CSNK1A1: variants seen among roughly 807,000 people sequenced by gnomAD.
CSNK1A1 encodes casein kinase 1 alpha 1, also known as casein kinase I isoform alpha.
A neutral mutation model predicts 46.1 loss-of-function variants in CSNK1A1; 7 were observed. The observed-to-expected ratio is 0.15, with a 90% CI of 0.09 to 0.29. The LOEUF (loss-of-function observed/expected upper bound fraction) is 0.29. Ranked by LOEUF, CSNK1A1 falls within the 10% of genes least tolerant of loss-of-function variation. The pLI is 1.00. For missense variants in CSNK1A1, 96 were observed against 417.1 expected (o/e 0.23, Z 6.71); for synonymous variants, 137 against 141.5 (o/e 0.97, Z 0.23).
At chr5:149,498,538 A>C (rs1760726948) in intron 9 of CSNK1A1, 1 of 985,304 alleles carries the variant, frequency 1.0e-6, no homozygotes, top group Non-Finnish European at 1.2e-6. Context: ...AAAAGAAAAA[A>C]AGTACAATAC....
intron 4 of CSNK1A1, among the ~76,000 whole-genome samples, chr5:149,514,139 A>AT (rs1471559765): frequency 6.6e-6 from 1 of 152,228 alleles, no homozygotes; most frequent in Non-Finnish European, 1.5e-5. Flanking sequence ...AGCGCTTAGC[A>AT]TTTAAATCAA....
At chr5:149,501,562 C>T (rs909747104) in intron 9 of CSNK1A1, 1 of 984,890 alleles carries the variant, frequency 1.0e-6, no homozygotes, top group Non-Finnish European at 1.2e-6. Context: ...TTTGTAATCC[C>T]CTCTGAATGT....
chr5:149,531,048 C>A (rs1307637237), intron 2 of CSNK1A1, among the ~76,000 whole-genome samples: 1 of 151,256 alleles, frequency 6.6e-6, no homozygotes, highest in African/African-American at 2.4e-5. Flanking sequence ...TTCAATTTTC[C>A]TATACATTCA....
In CSNK1A1 at chr5:149,502,509, CTTT is replaced by C. The variant is rs10565880; in HGVS notation, c.1006+2935_1006+2937del. 1.3e-3 allele frequency: 57 copies of C among 43,204 alleles called. No homozygotes were observed. The East Asian group carries it at 0.016, about 12-fold the overall frequency. The allele number at this position is 43,204 out of a possible 1,614,324, so 2.7% of individuals were successfully genotyped here. A position where few individuals can be genotyped will look rare whatever the true frequency, so the allele number is the denominator to read the frequency against. On this transcript the variant is annotated intron_variant, in intron 9 of 9. Transcript: ENST00000377843. ...CAGGCACTCACTACTGCGCCTGGCG[CTTT>C]TTTTTTTTGGGGGGGGGGGGGTTGG...
chr5:149,547,541 A>G (rs930868569), intron 2 of CSNK1A1, among the ~76,000 whole-genome samples: 4 of 152,102 alleles, frequency 2.6e-5, no homozygotes, highest in African/African-American at 9.7e-5. Context: ...TCTCAAAAAC[A>G]TTATGTTAAG....
intron 9 of CSNK1A1, chr5:149,501,856 C>T: frequency 1.0e-6 from 1 of 973,922 alleles, no homozygotes; most frequent in Non-Finnish European, 1.2e-6. Flanking sequence ...CACATATAGT[C>T]AAAGGGAGTG....
At chr5:149,500,576 C>CT (rs889816265) in intron 9 of CSNK1A1, among the ~76,000 whole-genome samples, 39 of 151,372 alleles carry the variant, frequency 2.6e-4, no homozygotes, top group African/African-American at 7.8e-4. Context: ...CGCACCCGGC[C>CT]TTTTTTTTTC....
In CSNK1A1 at chr5:149,517,647, T is replaced by C; in HGVS notation, c.456+2643A>G. 2 of 579,692 alleles carry C rather than the reference T, an allele frequency of 3.5e-6. No individual in the cohort carries two copies. Among genetic ancestry groups the C allele is most frequent in the Non-Finnish European group, 6.2e-6 (2 of 321,824 alleles). The allele number at this position is 579,692 out of a possible 1,614,324, so 35.9% of individuals were successfully genotyped here. On this transcript the variant is annotated intron_variant, in intron 4 of 9. Transcript: ENST00000377843. This position sits in a 1 kb window ranked among gnomAD's most constrained non-coding sequence, Gnocchi z 4.4. ...TTAGTAATGTTATGTTTGCCAAGTA[T>C]GTCTGAATAATGCCAACGTAAGAGG... is the stretch of plus-strand genomic sequence containing the variant.
At chr5:149,546,776 C>G (rs1341520058) in intron 2 of CSNK1A1, among the ~76,000 whole-genome samples, 1 of 152,044 alleles carries the variant, frequency 6.6e-6, no homozygotes, top group Admixed American at 6.6e-5. Context: ...ATAGATAACA[C>G]ATAACTTTTA....
In CSNK1A1 at chr5:149,495,745, A is replaced by C. The variant is rs945347392; in HGVS notation, c.*1108T>G. The C allele has an allele frequency of 1.5e-5, 1 of 65,880 alleles. No individual in the cohort carries two copies. Among genetic ancestry groups the C allele is most frequent in the Non-Finnish European group, 3.2e-5 (1 of 31,114 alleles). 4.1% of individuals were successfully genotyped at this position (65,880 alleles called of 1,614,324 possible). On this transcript the variant is annotated 3_prime_UTR_variant, in exon 10 of 10. Coordinates refer to ENST00000377843, the MANE Select transcript of CSNK1A1 (RefSeq NM_001892.6). Reference sequence around the variant, plus strand: ...ACTAGATATTGTGCCTGCAAGTCATAAAAAAAAAAAAAAAAAAAGAAAAAA... The same window carrying C: ...ACTAGATATTGTGCCTGCAAGTCATCAAAAAAAAAAAAAAAAAAGAAAAAA...
chr5:149,506,615 A>T (rs886342052), intron 8 of CSNK1A1, among the ~76,000 whole-genome samples: 14 of 152,042 alleles, frequency 9.2e-5, no homozygotes, highest in African/African-American at 3.4e-4. Flanking sequence ...TTTCAAGACC[A>T]GTTCTGGGTT....
rs1200603954 is a variant in CSNK1A1, at chr5:149,542,672, GTATA to G, written c.230+7399_230+7402del. On this transcript the variant is annotated intron_variant, in intron 2 of 9. Transcript: ENST00000377843. ...TATATATATATATATATATATATAT[GTATA>G]TATATATATATATATATTTTTTTTT... is the stretch of plus-strand genomic sequence containing the variant. Among the ~76,000 whole-genome samples the G allele has an allele frequency of 3.1e-3, 15 of 4,794 alleles. 1 individual carries two copies. Among genetic ancestry groups the G allele is most frequent in the South Asian group, 0.012 (1 of 86 alleles). The allele number at this position is 4,794 out of a possible 152,430, so 3.1% of individuals were successfully genotyped here.
Position 149,495,843 on chromosome 5 carries a change from A to G in CSNK1A1, c.*1010T>C, listed in dbSNP as rs911166919. 6.6e-6 allele frequency: 1 copy of G among 152,498 alleles called. No individual in the cohort carries two copies. The highest frequency in any genetic ancestry group is 1.5e-5 in the Non-Finnish European group (1 of 68,010). The allele number at this position is 152,498 out of a possible 1,614,324, so 9.4% of individuals were successfully genotyped here. ...TTTTCTTAAAAAAAGAGGAAAAGTTATAACACGAAACCTAAATTGACTTGC... is the reference window on the plus strand; with the variant it reads ...TTTTCTTAAAAAAAGAGGAAAAGTTGTAACACGAAACCTAAATTGACTTGC... On this transcript the variant is annotated 3_prime_UTR_variant, in exon 10 of 10. Coordinates refer to ENST00000377843, the MANE Select transcript of CSNK1A1 (RefSeq NM_001892.6).
chr5:149,499,632 T>G (rs1015442703), intron 9 of CSNK1A1, among the ~76,000 whole-genome samples: 2 of 151,672 alleles, frequency 1.3e-5, no homozygotes, highest in Non-Finnish European at 1.5e-5. Flanking sequence ...TTTTTTTTTT[T>G]GAGATGGGGT....
chr5:149,549,334 G>A lies in CSNK1A1; in HGVS notation c.230+741C>T, dbSNP rs139541112. The A allele has an allele frequency of 1.0e-3, 630 of 615,072 alleles. 4 individuals carry two copies. The African/African-American group carries it at 0.01, about 10-fold the overall frequency. 38.1% of individuals were successfully genotyped at this position (615,072 alleles called of 1,614,324 possible). On this transcript the variant is annotated intron_variant, in intron 2 of 9. Coordinates refer to ENST00000377843, the MANE Select transcript of CSNK1A1 (RefSeq NM_001892.6). ...ATATGACCATTCACGAAAAGAAAGA[G>A]TAATTAACACTTTTAAAAGAACTAC...
intron 8 of CSNK1A1, among the ~76,000 whole-genome samples, chr5:149,506,093 A>G (rs1761013708): frequency 6.6e-6 from 1 of 151,442 alleles, no homozygotes; most frequent in South Asian, 2.1e-4. Flanking sequence ...TACCCAGCTA[A>G]TTTTTGTATT....
intron 7 of CSNK1A1, among the ~76,000 whole-genome samples, chr5:149,509,545 CG>C (rs1561754758): frequency 6.6e-6 from 1 of 152,188 alleles, no homozygotes; most frequent in Non-Finnish European, 1.5e-5. Flanking sequence ...GGACCACAGA[CG>C]TGTATCACTG....
intron 4 of CSNK1A1, among the ~76,000 whole-genome samples, chr5:149,519,402 A>G (rs374281880): frequency 5.3e-5 from 8 of 152,360 alleles, no homozygotes; most frequent in African/African-American, 1.9e-4. Flanking sequence ...AGTTGTCCTG[A>G]AGTTGAGAAT....
chr5:149,542,331 G>A (rs566011833), intron 2 of CSNK1A1, among the ~76,000 whole-genome samples: 1 of 151,874 alleles, frequency 6.6e-6, no homozygotes, highest in Non-Finnish European at 1.5e-5. Context: ...CTACATCAAG[G>A]TGAGTTGTAT....
Sources: gnomAD v4.1 joint callset for allele counts (sites outside exome capture counted in the v4.1 genomes callset) on GRCh38, gnomAD v4.1.1 for gene constraint, Gnocchi (gnomAD v3.1) non-coding constraint, MANE v1.5 for transcripts, NCBI Gene and HGNC (gene_info 2026-07-23, HGNC 2026-07-21) for gene names.